Variants in CARMIL1 observed in about 807,000 individuals in gnomAD.
The protein encoded by CARMIL1 is F-actin-uncapping protein LRRC16A.
In CARMIL1, 90 loss-of-function variants were observed where a neutral mutation model predicts 177.1. The ratio of observed to expected loss-of-function variants is 0.51; its 90% CI spans 0.43 to 0.61. The LOEUF is 0.61. CARMIL1 is among the 20% of genes least tolerant of loss of function. The probability of loss-of-function intolerance (pLI) is 0.00; values close to 1 mark genes in which losing one functional copy is unlikely to be tolerated. For synonymous variants in CARMIL1, 577 were observed against 606.2 expected, an observed-to-expected ratio of 0.95 and a Z score of 0.71; for missense variants, 1,380 against 1,667.0, an observed-to-expected ratio of 0.83 and a Z score of 3.00.
intron 4 of CARMIL1, among the ~76,000 whole-genome samples, chr6:25,428,257 C>T (rs1213044978): frequency 6.6e-6 from 1 of 151,724 alleles, no homozygotes; most frequent in South Asian, 2.1e-4. Flanking sequence ...GTATTATATT[C>T]ACTTGTTCCA....
chr6:25,293,840 G>A (rs1241362442), intron 2 of CARMIL1, among the ~76,000 whole-genome samples: 6 of 152,100 alleles, frequency 3.9e-5, no homozygotes. Flanking sequence ...TCCCACCTCA[G>A]CCTCCCAAGT....
At chr6:25,333,646 GT>G (rs372555404) in intron 2 of CARMIL1, among the ~76,000 whole-genome samples, 10,431 of 151,436 alleles carry the variant, frequency 0.069, 394 homozygotes, top group Non-Finnish European at 0.088. Context: ...ACAGTGGAGG[GT>G]TTTTTTTTGT....
At chr6:25,585,525 T>C (rs1813554561) in intron 31 of CARMIL1, among the ~76,000 whole-genome samples, 1 of 150,850 alleles carries the variant, frequency 6.6e-6, no homozygotes, top group Non-Finnish European at 1.5e-5. Context: ...ATATGAAGAG[T>C]AGATAACCTA....
chr6:25,553,822 G>C (rs1430350748), intron 27 of CARMIL1, among the ~76,000 whole-genome samples, 187 bp from the exon 28 acceptor site: 1 of 152,154 alleles, frequency 6.6e-6, no homozygotes, highest in Non-Finnish European at 1.5e-5. Flanking sequence ...TCTATTACTT[G>C]TGTGTTTATG....
intron 2 of CARMIL1, among the ~76,000 whole-genome samples, chr6:25,396,387 GTT>G (rs1490784002): frequency 6.9e-6 from 1 of 145,660 alleles, no homozygotes. Context: ...CTGAGATGGA[GTT>G]TTGCTCTTGT....
chr6:25,530,104 A>G (rs1375604724), intron 24 of CARMIL1, among the ~76,000 whole-genome samples: 1 of 152,158 alleles, frequency 6.6e-6, no homozygotes, highest in East Asian at 1.9e-4. Flanking sequence ...CGGGGTTGAT[A>G]TAACCCACTA....
At chr6:25,593,936 A>G (rs1449558773) in intron 31 of CARMIL1, among the ~76,000 whole-genome samples, 1 of 152,204 alleles carries the variant, frequency 6.6e-6, no homozygotes, top group Non-Finnish European at 1.5e-5. Context: ...TCTTCCAGCA[A>G]GAAAGAAAGT....
Position 25,476,935 on chromosome 6 carries a change from A to C in CARMIL1, c.874+4414A>C, listed in dbSNP as rs138544074. ...GAAACCCCATCTCTACTAAAAATAC[A>C]AACATTAGCTGGGTGTGGTGGTGTG... On this transcript the variant is annotated intron_variant, in intron 11 of 36. Coordinates refer to ENST00000329474, the MANE Select transcript of CARMIL1 (RefSeq NM_017640.6). Among the ~76,000 whole-genome samples, 154 of 152,056 alleles carry C rather than the reference A, an allele frequency of 1.0e-3. 1 individual carries two copies. Among genetic ancestry groups the C allele is most frequent in the African/African-American group, 3.6e-3 (148 of 41,486 alleles).
In CARMIL1 at chr6:25,594,413, A is replaced by G. The variant is rs749049105; in HGVS notation, c.3007-2A>G. 12 of 1,580,062 alleles carry G rather than the reference A, an allele frequency of 7.6e-6. 1 individual carries two copies. The South Asian group carries it at 1.4e-4, about 18-fold the overall frequency. On this transcript the variant is annotated splice_acceptor_variant, in intron 31 of 36. Coordinates refer to ENST00000329474, the MANE Select transcript of CARMIL1 (RefSeq NM_017640.6). LOFTEE classifies it high-confidence loss of function. Reference sequence around the variant, plus strand: ...TTAACATTACATCTGTTTGTTTTGCAGGTCTGTGCTGCCAACATAGTCTCA... The same window carrying G: ...TTAACATTACATCTGTTTGTTTTGCGGGTCTGTGCTGCCAACATAGTCTCA...
intron 2 of CARMIL1, among the ~76,000 whole-genome samples, chr6:25,298,928 A>G (rs1169233752): frequency 6.6e-6 from 1 of 151,004 alleles, no homozygotes; most frequent in African/African-American, 2.4e-5. Flanking sequence ...CTTATTTTGT[A>G]TTTTTAGTGG....
At chr6:25,291,992 G>T (rs1242534319) in intron 2 of CARMIL1, among the ~76,000 whole-genome samples, 2 of 152,158 alleles carry the variant, frequency 1.3e-5, no homozygotes, top group African/African-American at 4.8e-5. Flanking sequence ...CCTCGTAGTT[G>T]TTCTCTGATG....
chr6:25,563,631 G>A lies in CARMIL1; in HGVS notation c.2742+6781G>A, dbSNP rs527295044. Reference sequence around the variant, plus strand: ...CCTTAAGCCATGCATAGGCTAGATGGCCATTCATTTTTTCAACAAATGCTT... The same window carrying A: ...CCTTAAGCCATGCATAGGCTAGATGACCATTCATTTTTTCAACAAATGCTT... On this transcript the variant is annotated intron_variant, in intron 29 of 36. Transcript: ENST00000329474. The A allele has an allele frequency of 7.1e-6, 7 of 985,354 alleles. No homozygotes were observed. The Admixed American group carries it at 2.5e-4, about 35-fold the overall frequency. The allele number at this position is 985,354 out of a possible 1,614,324, so 61.0% of individuals were successfully genotyped here.
intron 2 of CARMIL1, among the ~76,000 whole-genome samples, chr6:25,315,763 G>C (rs185151199): frequency 1.1e-4 from 17 of 152,200 alleles, no homozygotes; most frequent in Admixed American, 1.1e-3. Flanking sequence ...TTTTCCTTTT[G>C]CTGTGCTCAC....
chr6:25,513,750 A>G (rs905606686), intron 20 of CARMIL1, among the ~76,000 whole-genome samples: 2 of 152,118 alleles, frequency 1.3e-5, no homozygotes, highest in Admixed American at 1.3e-4. Context: ...GCACACCTTG[A>G]GAGCTCCAAT....
At chr6:25,397,221 C>CA (rs1317762958) in intron 2 of CARMIL1, among the ~76,000 whole-genome samples, 10 of 151,874 alleles carry the variant, frequency 6.6e-5, no homozygotes, top group Non-Finnish European at 1.0e-4. Context: ...TCTTTTCCCC[C>CA]AAAAAAACCC....
chr6:25,393,588 T>G (rs1389253831), intron 2 of CARMIL1: 1 of 151,250 alleles, frequency 6.6e-6, no homozygotes, highest in African/African-American at 2.4e-5. Flanking sequence ...TGGTTAAGTT[T>G]TTAGGTAGGG....
chr6:25,306,879 C>CTTT lies in CARMIL1; in HGVS notation c.138+21987_138+21989dup, dbSNP rs35585232. On this transcript the variant is annotated intron_variant, in intron 2 of 36. Coordinates refer to ENST00000329474, the MANE Select transcript of CARMIL1 (RefSeq NM_017640.6). ...CCACCTGTTTCCTGCAGTGCCTTGG[C>CTTT]TTTTTTTTTTTTTTTTTTTGACGAG... Among the ~76,000 whole-genome samples, 370 of 105,938 alleles carry CTTT rather than the reference C, an allele frequency of 3.5e-3. 28 individuals are homozygous for CTTT. The highest frequency in any genetic ancestry group is 0.012 in the African/African-American group (319 of 26,310). 69.5% of individuals were successfully genotyped at this position (105,938 alleles called of 152,430 possible).
chr6:25,619,333 C>A, intron 36 of CARMIL1, 114 bp from the exon 37 acceptor site: 2 of 1,007,210 alleles, frequency 2.0e-6, no homozygotes, highest in South Asian at 1.8e-5. Context: ...GAAAGTTCAC[C>A]CTGGCCCCCT....
rs144892032 is a variant in CARMIL1 at position 25,460,977 on chromosome 6, G to A, written c.615-4896G>A. 5.0e-3 allele frequency among the ~76,000 whole-genome samples: 762 copies of A among 152,156 alleles called. 4 individuals carry two copies. The highest frequency in any genetic ancestry group is 0.017 in the African/African-American group (723 of 41,494). ...TTCAATCACCGTTCCCTCCTTCTCC[G>A]CTTGCCCCACCTGGTTATAATAATG... On this transcript the variant is annotated intron_variant, in intron 8 of 36. Transcript: ENST00000329474.
Sources: gnomAD v4.1 joint callset for allele counts (sites outside exome capture counted in the v4.1 genomes callset) on GRCh38, gnomAD v4.1.1 for gene constraint, MANE v1.5 for transcripts, NCBI Gene and HGNC (gene_info 2026-07-23, HGNC 2026-07-21) for gene names.